GTF2F1: variants seen among roughly 807,000 people sequenced by gnomAD.
The protein encoded by GTF2F1 is general transcription factor IIF 74 kDa subunit.
In GTF2F1, 39 loss-of-function variants were observed where a neutral mutation model predicts 63.5. That is an observed-to-expected ratio of 0.61 (90% CI 0.48 to 0.80). GTF2F1 has a LOEUF of 0.80. Among genes scored for constraint, GTF2F1 ranks in the 30% least tolerant of loss-of-function variants. GTF2F1 has a pLI of 0.00. For missense variants in GTF2F1, 657 were observed against 718.3 expected (o/e 0.91, Z 0.97); for synonymous variants, 287 against 285.3 (o/e 1.01, Z -0.06).
chr19:6,380,580 T>G lies in GTF2F1; in HGVS notation c.1342A>C (p.Asn448His), dbSNP rs775560246. The G allele has an allele frequency of 2.5e-6, 4 of 1,613,932 alleles. No homozygotes were observed. In the Admixed American group the frequency reaches 5.0e-5, roughly 20 times the overall value. Residue 448 changes from asparagine to histidine, a missense_variant, in exon 12 of 13, where the codon AAC (asparagine) becomes CAC (histidine). This residue lies in a region of GTF2F1 where 602 missense variants were observed against 625.6 expected (regional missense o/e 0.96). Coordinates refer to ENST00000394456, the MANE Select transcript of GTF2F1 (RefSeq NM_002096.3). The surrounding 1 kb of genome is among the most constrained non-coding windows in gnomAD (Gnocchi z 5.3). ...PQPPSGKTTP[N>H]SGDVQVTEDA... ...CTGTCCTCGTCAACTTACCCGCTGT[T>G]GGGTGTTGTCTTGCCTGATGGTGGC...
intron 2 of GTF2F1, 56 bp downstream of exon 2, chr19:6,392,801 G>C: frequency 6.5e-7 from 1 of 1,535,122 alleles, no homozygotes; most frequent in Non-Finnish European, 9.0e-7. Flanking sequence ...AGAAGATCGT[G>C]AAGGTTTTCA....
chr19:6,392,032 A>C (rs2092000790), intron 2 of GTF2F1, 58 bp from the exon 3 acceptor site: 8 of 850,910 alleles, frequency 9.4e-6, no homozygotes, highest in Non-Finnish European at 1.4e-5. Context: ...TCATTAATTT[A>C]ATCAGTCAAT....
Position 6,381,269 on chromosome 19 carries a change from A to G in GTF2F1, c.1019-74T>C. 3 of 1,555,066 alleles carry G rather than the reference A, an allele frequency of 1.9e-6. No individual in the cohort carries two copies. The highest frequency in any genetic ancestry group is 1.4e-5 in the African/African-American group (1 of 73,644). On this transcript the variant is annotated intron_variant, in intron 9 of 12. Coordinates refer to ENST00000394456, the MANE Select transcript of GTF2F1 (RefSeq NM_002096.3). The surrounding 1 kb of genome is among the most constrained non-coding windows in gnomAD (Gnocchi z 4.1). ...GTGCCCACTGGTGCCTCCACTGCAG[A>G]TGAGGGAGGCCTGCAGGGGAGAGGG...
chr19:6,379,953 G>C lies in GTF2F1; in HGVS notation c.*328C>G, dbSNP rs79254090. On this transcript the variant is annotated 3_prime_UTR_variant, in exon 13 of 13. Transcript: ENST00000394456. ...AAGAGAGACTTAGGGAAGTGGAAGG[G>C]AGAACTGTAGAAGTTACCCAGTGGG... 69 of 395,834 alleles carry C rather than the reference G, an allele frequency of 1.7e-4. 1 individual carries two copies. In the East Asian group the frequency reaches 2.7e-3, roughly 16 times the overall value. 24.5% of individuals were successfully genotyped at this position (395,834 alleles called of 1,614,324 possible).
At position 6,381,578 on chromosome 19, in the gene GTF2F1, GC is replaced by G; in HGVS notation, c.873del (p.Pro292ArgfsTer123). ...SQEEPESKAK[A>X]PQQEEGPKGV... ...CCCTTGGGCCCCTCCTCCTGCTGCG[GC>G]GCCTTGGCCTTGCTCTCAGGCTCTT... On this transcript the variant is annotated frameshift_variant, in exon 8 of 13. Coordinates refer to ENST00000394456, the MANE Select transcript of GTF2F1 (RefSeq NM_002096.3). LOFTEE classifies it high-confidence loss of function. The surrounding 1 kb of genome is among the most constrained non-coding windows in gnomAD (Gnocchi z 4.1). 6.2e-7 allele frequency: 1 copy of G among 1,613,586 alleles called. No homozygotes were observed. Among genetic ancestry groups the G allele is most frequent in the Non-Finnish European group, 8.5e-7 (1 of 1,180,024 alleles).
intron 2 of GTF2F1, chr19:6,392,532 G>A: frequency 1.8e-6 from 1 of 557,046 alleles, no homozygotes; most frequent in Non-Finnish European, 3.3e-6. Flanking sequence ...ACAAAGGCCT[G>A]GAAAGGAAAG....
At chr19:6,389,198 T>G (rs944267954) in intron 4 of GTF2F1, among the ~76,000 whole-genome samples, 10 of 152,044 alleles carry the variant, frequency 6.6e-5, no homozygotes, top group Non-Finnish European at 1.5e-4. Flanking sequence ...ATCGTGCTAC[T>G]GCACTCCAGC....
chr19:6,387,122 A>AG (rs2091976694), intron 5 of GTF2F1: 2 of 445,354 alleles, frequency 4.5e-6, no homozygotes, highest in South Asian at 3.0e-5. Context: ...CGGAAAGCCA[A>AG]GGGGGCAGTT....
At chr19:6,387,585 G>GA in intron 4 of GTF2F1, 26 bp from the exon 5 acceptor site, 1 of 1,606,186 alleles carries the variant, frequency 6.2e-7, no homozygotes. Flanking sequence ...GTCATGGCCT[G>GA]GCCCATAGGG....
chr19:6,384,152 A>G (rs923451041), intron 5 of GTF2F1, among the ~76,000 whole-genome samples: 1 of 151,872 alleles, frequency 6.6e-6, no homozygotes, highest in African/African-American at 2.4e-5. Context: ...ATGACAAAAC[A>G]TACTGTTTCC....
chr19:6,385,026 CT>C (rs1256796005), intron 5 of GTF2F1, among the ~76,000 whole-genome samples: 3 of 152,038 alleles, frequency 2.0e-5, no homozygotes, highest in Non-Finnish European at 2.9e-5. Context: ...GTCTCGAACT[CT>C]TGACCTTGCG....
intron 5 of GTF2F1, chr19:6,387,160 G>T: frequency 1.9e-6 from 1 of 519,920 alleles, no homozygotes. Flanking sequence ...GCCAATTTGA[G>T]CTCCGGGTCA....
intron 4 of GTF2F1, among the ~76,000 whole-genome samples, chr19:6,388,137 C>G (rs921014988): frequency 1.5e-5 from 2 of 134,496 alleles, no homozygotes; most frequent in Non-Finnish European, 3.6e-5. Flanking sequence ...ACCATGTTGG[C>G]CAGGCTAGTT....
In GTF2F1 at chr19:6,391,932, G is replaced by A. The variant is rs778716096; in HGVS notation, c.102C>T (p.Ala34=). The change falls in exon 3 of 13, where the codon GCC becomes GCT. Residue 34 remains alanine (A), a synonymous_variant. Transcript: ENST00000394456. ...TCCACGTAGCAAAGTTGACTTTGTC[G>A]GCTGCATTAAAAGCCATGATGTTAT... The part of the protein sequence containing the change: ...KKYNIMAFNA[A]DKVNFATWNQ... 8 of 1,584,092 alleles carry A rather than the reference G, an allele frequency of 5.1e-6. No homozygotes were observed. In the East Asian group the frequency reaches 6.8e-5, roughly 13 times the overall value.
intron 3 of GTF2F1, 117 bp from the exon 4 acceptor site, chr19:6,389,754 C>T: frequency 1.2e-6 from 1 of 861,606 alleles, no homozygotes; most frequent in Non-Finnish European, 1.8e-6. Context: ...AACCAACTTA[C>T]CACTTGGCAA....
intron 6 of GTF2F1, among the ~76,000 whole-genome samples, chr19:6,382,934 C>A (rs2091959235): frequency 1.3e-5 from 2 of 152,072 alleles, no homozygotes; most frequent in Non-Finnish European, 2.9e-5. Flanking sequence ...CGGAGTCTCT[C>A]TCTGTTGCCC....
At chr19:6,382,003 T>G (rs1182573798) in intron 6 of GTF2F1, among the ~76,000 whole-genome samples, 153 bp from the exon 7 acceptor site, 1 of 151,442 alleles carries the variant, frequency 6.6e-6, no homozygotes, top group African/African-American at 2.4e-5. Context: ...GGAGCTCAGC[T>G]CTCCTAAACA....
In GTF2F1 at chr19:6,383,275, ACCTCTGTGACCTAATGCCCAGGCG is replaced by A; in HGVS notation, c.682+12_682+35del. 6.3e-7 allele frequency: 1 copy of A among 1,599,262 alleles called. No individual in the cohort carries two copies. Among genetic ancestry groups the A allele is most frequent in the Non-Finnish European group, 8.6e-7 (1 of 1,169,112 alleles). Reference sequence around the variant, plus strand: ...CTTCACTGGCACTGCCTGAGCAGGCACCTCTGTGACCTAATGCCCAGGCGCCCGTACTCACCCTCCTCACCACTG... The same window carrying A: ...CTTCACTGGCACTGCCTGAGCAGGCACCCGTACTCACCCTCCTCACCACTG... On this transcript the variant is annotated intron_variant, in intron 6 of 12. Coordinates refer to ENST00000394456, the MANE Select transcript of GTF2F1 (RefSeq NM_002096.3). This position sits in a 1 kb window ranked among gnomAD's most constrained non-coding sequence, Gnocchi z 4.5.
Position 6,380,652 on chromosome 19 carries a change from G to T in GTF2F1, c.1270C>A (p.Arg424=), listed in dbSNP as rs368902544. The T allele has an allele frequency of 1.2e-6, 2 of 1,613,320 alleles. No homozygotes were observed. The highest frequency in any genetic ancestry group is 1.3e-5 in the African/African-American group (1 of 74,902). ...VSEMPAAKRL[R]LDTGPQSLSG... ...AGGCTCTGGGGTCCCGTGTCCAGCC[G>T]CAACCGCTTGGCTGCAGGCATCTCG... is the stretch of plus-strand genomic sequence containing the variant. The change falls in exon 12 of 13, where the codon CGG becomes AGG. Residue 424 remains arginine, a synonymous_variant. Coordinates refer to ENST00000394456, the MANE Select transcript of GTF2F1 (RefSeq NM_002096.3). The surrounding 1 kb of genome is among the most constrained non-coding windows in gnomAD (Gnocchi z 5.3).
Sources: allele counts gnomAD v4.1 joint callset (sites outside exome capture counted in the v4.1 genomes callset), GRCh38; gene constraint gnomAD v4.1.1; regional missense constraint gnomAD v4.1.1; non-coding constraint Gnocchi (gnomAD v3.1); transcripts MANE v1.5; gene names NCBI Gene and HGNC (gene_info 2026-07-23, HGNC 2026-07-21).